The following SETBP1 variants were observed in gnomAD, a reference collection of about 807,000 sequenced individuals.
The protein encoded by SETBP1 is SET binding protein 1, also known as SET-binding protein.
In SETBP1, 9 loss-of-function variants were observed where a neutral mutation model predicts 101.0. The observed-to-expected ratio is 0.09, with a 90% confidence interval of 0.05 to 0.16. The LOEUF is 0.16. Ranked by LOEUF, SETBP1 falls within the 10% of genes least tolerant of loss-of-function variation. SETBP1 has a pLI of 1.00. For synonymous variants in SETBP1, 818 were observed against 788.5 expected (o/e 1.04, Z -0.63); for missense variants, 1,858 against 2,033.8 (o/e 0.91, Z 1.66).
chr18:44,957,398 G>A (rs1345557999), intron 4 of SETBP1, among the ~76,000 whole-genome samples: 1 of 151,674 alleles, frequency 6.6e-6, no homozygotes, highest in Non-Finnish European at 1.5e-5. Flanking sequence ...AAAAAAATGA[G>A]AAGAGTGAAT....
At chr18:44,771,883 C>G (rs960606598) in intron 2 of SETBP1, among the ~76,000 whole-genome samples, 2 of 152,158 alleles carry the variant, frequency 1.3e-5, no homozygotes, top group South Asian at 4.1e-4. Flanking sequence ...TGATTTCCCC[C>G]CCAAGGGATA....
intron 4 of SETBP1, among the ~76,000 whole-genome samples, chr18:44,983,930 G>T (rs1185521843): frequency 1.3e-5 from 2 of 152,228 alleles, no homozygotes; most frequent in Non-Finnish European, 2.9e-5. Flanking sequence ...TAGGCCAGGT[G>T]CAGTGGCTCA....
intron 1 of SETBP1, among the ~76,000 whole-genome samples, chr18:44,699,604 A>C (rs1179541283): frequency 6.6e-6 from 1 of 152,194 alleles, no homozygotes; most frequent in Non-Finnish European, 1.5e-5. Context: ...TTGGCTCAAC[A>C]GTGTCAGTGA....
intron 3 of SETBP1, among the ~76,000 whole-genome samples, chr18:44,948,560 C>G (rs1012882554): frequency 1.4e-5 from 2 of 137,980 alleles, no homozygotes; most frequent in African/African-American, 2.7e-5. Context: ...CTAAAATTTT[C>G]TAAATTCATG....
chr18:44,822,012 C>T (rs1219133750), intron 2 of SETBP1, among the ~76,000 whole-genome samples: 1 of 152,220 alleles, frequency 6.6e-6, no homozygotes, highest in Non-Finnish European at 1.5e-5. Context: ...ATATTCCTCT[C>T]TACTGATTAA....
At chr18:44,924,055 T>A (rs1288691190) in intron 3 of SETBP1, among the ~76,000 whole-genome samples, 2 of 152,038 alleles carry the variant, frequency 1.3e-5, no homozygotes, top group Admixed American at 1.3e-4. Flanking sequence ...TTCAGAAAAA[T>A]CCCTACAGTC....
At position 44,784,517 on chromosome 18, in the gene SETBP1, G is replaced by A. The variant is rs558227537; in HGVS notation, c.486+82685G>A. ...GCCTTTGCAGATTCTTGCAGTTAAGGTCCCCAGGCCATGTCTTTTTCTATC... is the reference window on the plus strand; with the variant it reads ...GCCTTTGCAGATTCTTGCAGTTAAGATCCCCAGGCCATGTCTTTTTCTATC... On this transcript the variant is annotated intron_variant, in intron 2 of 5. Transcript: ENST00000649279. Among the ~76,000 whole-genome samples, 4 of 152,222 alleles carry A rather than the reference G, an allele frequency of 2.6e-5. No individual in the cohort carries two copies. In the South Asian group the frequency reaches 8.3e-4, roughly 32 times the overall value.
intron 4 of SETBP1, among the ~76,000 whole-genome samples, chr18:44,999,486 C>G (rs1356854186): frequency 6.6e-6 from 1 of 152,176 alleles, no homozygotes; most frequent in African/African-American, 2.4e-5. Context: ...TTAACCTTGT[C>G]TACTGAGTGA....
intron 3 of SETBP1, among the ~76,000 whole-genome samples, chr18:44,878,332 C>A (rs2144725616): frequency 9.2e-6 from 1 of 108,610 alleles, no homozygotes; most frequent in South Asian, 2.6e-4. Context: ...GTTTTTCATT[C>A]ATTTTTTTTT....
intron 3 of SETBP1, among the ~76,000 whole-genome samples, chr18:44,914,366 A>C (rs973826400): frequency 6.6e-6 from 1 of 152,236 alleles, no homozygotes; most frequent in African/African-American, 2.4e-5. Context: ...CACAGAACGT[A>C]CTTGAGCTAT....
chr18:45,006,511 A>G (rs768529001), intron 4 of SETBP1, among the ~76,000 whole-genome samples: 2 of 152,128 alleles, frequency 1.3e-5, no homozygotes, highest in Non-Finnish European at 2.9e-5. Flanking sequence ...GGACATTGAG[A>G]GAGGCTGTTC....
rs2073949839 is a variant in SETBP1, at chr18:45,065,131, A to T, written c.*1433A>T. On this transcript the variant is annotated 3_prime_UTR_variant, in exon 6 of 6. Coordinates refer to ENST00000649279, the MANE Select transcript of SETBP1 (RefSeq NM_015559.3). ...TTCTCATCCAAGTTGTACTCTAGCCATTGGTTTAGCGTGGACAGATACTCC... is the reference window on the plus strand; with the variant it reads ...TTCTCATCCAAGTTGTACTCTAGCCTTTGGTTTAGCGTGGACAGATACTCC... 1 of 152,244 alleles carries T rather than the reference A, an allele frequency of 6.6e-6. No individual in the cohort carries two copies. Among genetic ancestry groups the T allele is most frequent in the Admixed American group, 6.5e-5 (1 of 15,288 alleles). 9.4% of individuals were successfully genotyped at this position (152,244 alleles called of 1,614,324 possible). A position where few individuals can be genotyped will look rare whatever the true frequency, so the allele number is the denominator to read the frequency against.
intron 2 of SETBP1, among the ~76,000 whole-genome samples, chr18:44,766,531 G>T (rs1326976324): frequency 2.0e-5 from 3 of 152,208 alleles, no homozygotes; most frequent in African/African-American, 7.2e-5. Flanking sequence ...GTTTCAGGGG[G>T]TGGGTGATAG....
intron 3 of SETBP1, among the ~76,000 whole-genome samples, chr18:44,922,153 A>G (rs1259281408): frequency 1.3e-5 from 2 of 152,234 alleles, no homozygotes; most frequent in Admixed American, 6.5e-5. Context: ...CCAAGTGCTT[A>G]TAGATTAGGA....
Position 44,951,273 on chromosome 18 carries a change from G to A in SETBP1, c.1933G>A (p.Glu645Lys), listed in dbSNP as rs770454352. ...LVPGEDKPMS[E>K]MKFHKKVGKL... The stretch of plus-strand genomic sequence containing the variant: ...GCCGGGAGAGGACAAACCCATGAGC[G>A]AGATGAAATTTCACAAGAAAGTTGG... Residue 645 changes from glutamate (E) to lysine (K), a missense_variant, in exon 4 of 6, where the codon GAG becomes AAG. Glu to Lys is a moderately conservative substitution (Grantham distance 56). Around this residue, in one of 12 missense-constraint regions of SETBP1, gnomAD observed 111 missense variants for 119.3 expected, o/e 0.93. Coordinates refer to ENST00000649279, the MANE Select transcript of SETBP1 (RefSeq NM_015559.3). This position sits in a 1 kb window ranked among gnomAD's most constrained non-coding sequence, Gnocchi z 7.8. 29 of 1,613,608 alleles carry A rather than the reference G, an allele frequency of 1.8e-5. No homozygotes were observed. The highest frequency in any genetic ancestry group is 1.2e-4 in the African/African-American group (9 of 74,918).
intron 2 of SETBP1, among the ~76,000 whole-genome samples, chr18:44,808,791 T>C (rs1277480791): frequency 6.6e-6 from 1 of 152,166 alleles, no homozygotes; most frequent in Admixed American, 6.5e-5. Context: ...ATTTCAGAAA[T>C]TGATCAAGGA....
At chr18:44,839,212 G>A (rs925753846) in intron 2 of SETBP1, among the ~76,000 whole-genome samples, 1 of 152,208 alleles carries the variant, frequency 6.6e-6, no homozygotes, top group Non-Finnish European at 1.5e-5. Context: ...AACAGTTTAC[G>A]AGTGTAGATG....
At chr18:44,999,245 C>T (rs1005304528) in intron 4 of SETBP1, among the ~76,000 whole-genome samples, 4 of 152,204 alleles carry the variant, frequency 2.6e-5, no homozygotes, top group East Asian at 1.9e-4. Flanking sequence ...AATCTGAAGT[C>T]CTCATGTGTC....
chr18:44,985,368 G>A (rs2072209223), intron 4 of SETBP1, among the ~76,000 whole-genome samples: 1 of 152,086 alleles, frequency 6.6e-6, no homozygotes, highest in African/African-American at 2.4e-5. Flanking sequence ...GTCTAGTTTT[G>A]TTCAGATTTT....
Sources: allele counts gnomAD v4.1 joint callset (sites outside exome capture counted in the v4.1 genomes callset), GRCh38; gene constraint gnomAD v4.1.1; regional missense constraint gnomAD v4.1.1; non-coding constraint Gnocchi (gnomAD v3.1); transcripts MANE v1.5; gene names NCBI Gene and HGNC (gene_info 2026-07-23, HGNC 2026-07-21).